Variants in STXBP3 observed in about 807,000 individuals in gnomAD.
The protein encoded by STXBP3 is syntaxin-binding protein 3.
A neutral mutation model predicts 85.7 loss-of-function variants in STXBP3; 41 were observed. The observed-to-expected ratio is 0.48, with a 90% CI of 0.37 to 0.62. The LOEUF is 0.62. Among genes scored for constraint, STXBP3 ranks in the 20% least tolerant of loss-of-function variants. The pLI is 0.00. For synonymous variants in STXBP3, 229 were observed against 231.7 expected, an observed-to-expected ratio of 0.99 and a Z score of 0.10; for missense variants, 563 against 703.1, an observed-to-expected ratio of 0.80 and a Z score of 2.25.
rs201689618 is a variant in STXBP3, at chr1:108,794,938, A to G, written c.1110+31A>G. ...TGCAGAGTCAGAAATGCCTCTGTTCATAACAAATTTCAAGGATAAACTTTG... is the reference window on the plus strand; with the variant it reads ...TGCAGAGTCAGAAATGCCTCTGTTCGTAACAAATTTCAAGGATAAACTTTG... On this transcript the variant is annotated intron_variant, in intron 13 of 18. Transcript: ENST00000370008. The G allele has an allele frequency of 1.8e-4, 282 of 1,557,850 alleles. No homozygotes were observed. The African/African-American group carries it at 2.6e-3, about 14-fold the overall frequency.
At chr1:108,794,610 A>G (rs1010776085) in intron 12 of STXBP3, among the ~76,000 whole-genome samples, 2 of 152,222 alleles carry the variant, frequency 1.3e-5, no homozygotes, top group Non-Finnish European at 2.9e-5. Flanking sequence ...GATTATGGGA[A>G]CTACAAGATG....
At chr1:108,762,525 C>CAAG (rs985400602) in intron 6 of STXBP3, among the ~76,000 whole-genome samples, 47 of 150,820 alleles carry the variant, frequency 3.1e-4, no homozygotes, top group African/African-American at 1.1e-3. Context: ...TATTTTAAAA[C>CAAG]ATTATAAAAA....
chr1:108,758,600 A>C lies in STXBP3; in HGVS notation c.337+12A>C. On this transcript the variant is annotated intron_variant, in intron 5 of 18. Coordinates refer to ENST00000370008, the MANE Select transcript of STXBP3 (RefSeq NM_007269.4). ...TTACTTCACTGACTGTAAGTCTTTT[A>C]AAAAGTTATTGCTTCATTGTTCAAA... 3.5e-6 allele frequency: 5 copies of C among 1,432,170 alleles called. No homozygotes were observed. The highest frequency in any genetic ancestry group is 4.7e-6 in the Non-Finnish European group (5 of 1,065,108). The allele number at this position is 1,432,170 out of a possible 1,614,324, so 88.7% of individuals were successfully genotyped here.
intron 17 of STXBP3, among the ~76,000 whole-genome samples, chr1:108,806,728 T>C (rs1369809773): frequency 6.6e-6 from 1 of 152,050 alleles, no homozygotes; most frequent in Non-Finnish European, 1.5e-5. Flanking sequence ...CCTTCACATC[T>C]TCAAAACCTT....
At chr1:108,752,123 T>C (rs1294315828) in intron 1 of STXBP3, 134 bp from the exon 2 acceptor site, 1 of 741,048 alleles carries the variant, frequency 1.3e-6, no homozygotes, top group African/African-American at 1.8e-5. Flanking sequence ...TTCCGTAAGG[T>C]TTAACAAATA....
chr1:108,774,390 T>C (rs533072862), intron 7 of STXBP3, among the ~76,000 whole-genome samples: 1 of 152,182 alleles, frequency 6.6e-6, no homozygotes, highest in Non-Finnish European at 1.5e-5. Context: ...TCATTTGTCT[T>C]TTAAAAAGTC....
intron 6 of STXBP3, among the ~76,000 whole-genome samples, chr1:108,770,339 C>T (rs952268965): frequency 6.6e-6 from 1 of 152,076 alleles, no homozygotes; most frequent in Admixed American, 6.6e-5. Flanking sequence ...CATGGCTAAA[C>T]CTGGTATCAG....
chr1:108,748,533 ATAAATAGC>A (rs1336167487), intron 1 of STXBP3, among the ~76,000 whole-genome samples: 8 of 151,936 alleles, frequency 5.3e-5, no homozygotes, highest in Non-Finnish European at 4.4e-5. Flanking sequence ...AAATAAATAA[ATAAATAGC>A]TAGCGTAAGC....
Position 108,761,973 on chromosome 1 carries a change from C to CA in STXBP3, c.438+1898dup, listed in dbSNP as rs796970810. ...GGGCAACAGAGCGAGACTCCATCTC[C>CA]AAAAAAAAAAGAGGTTCTACTTAAT... On this transcript the variant is annotated intron_variant, in intron 6 of 18. Coordinates refer to ENST00000370008, the MANE Select transcript of STXBP3 (RefSeq NM_007269.4). 3.8e-3 allele frequency among the ~76,000 whole-genome samples: 560 copies of CA among 146,558 alleles called. 3 individuals carry two copies. Among genetic ancestry groups the CA allele is most frequent in the African/African-American group, 0.013 (516 of 39,940 alleles).
intron 13 of STXBP3, among the ~76,000 whole-genome samples, chr1:108,795,934 T>C (rs1663080263): frequency 6.9e-6 from 1 of 144,134 alleles, no homozygotes; most frequent in Admixed American, 7.4e-5. Context: ...GGCCCAATCA[T>C]GGCTCACTGC....
chr1:108,767,858 A>G (rs1300102114), intron 6 of STXBP3, among the ~76,000 whole-genome samples: 1 of 152,262 alleles, frequency 6.6e-6, no homozygotes, highest in African/African-American at 2.4e-5. Flanking sequence ...AAGTGCTGGG[A>G]CAGGCATGAG....
At chr1:108,763,478 A>G (rs1662186548) in intron 6 of STXBP3, among the ~76,000 whole-genome samples, 1 of 152,196 alleles carries the variant, frequency 6.6e-6, no homozygotes, top group African/African-American at 2.4e-5. Context: ...AAATGATGAT[A>G]TATTTCCAAA....
chr1:108,769,038 A>G (rs1018139915), intron 6 of STXBP3, among the ~76,000 whole-genome samples: 1 of 152,208 alleles, frequency 6.6e-6, no homozygotes, highest in African/African-American at 2.4e-5. Context: ...CTTAACTACC[A>G]ATAGCCTGCT....
At chr1:108,800,855 T>C (rs1361836410) in intron 17 of STXBP3, among the ~76,000 whole-genome samples, 1 of 152,242 alleles carries the variant, frequency 6.6e-6, no homozygotes, top group Non-Finnish European at 1.5e-5. Flanking sequence ...TTAACTGTGT[T>C]GTGTCTAGGT....
chr1:108,767,280 G>A (rs941475229), intron 6 of STXBP3: 7 of 223,980 alleles, frequency 3.1e-5, no homozygotes, highest in Non-Finnish European at 6.2e-5. Context: ...TAAATGTGTG[G>A]TTTTCCAAAG....
chr1:108,749,876 A>G (rs1327717359), intron 1 of STXBP3, among the ~76,000 whole-genome samples: 1 of 152,200 alleles, frequency 6.6e-6, no homozygotes, highest in African/African-American at 2.4e-5. Context: ...AGTCACATAA[A>G]AAGGTAAAAA....
At chr1:108,798,751 C>T (rs1663170308) in intron 16 of STXBP3, among the ~76,000 whole-genome samples, 1 of 151,982 alleles carries the variant, frequency 6.6e-6, no homozygotes, top group African/African-American at 2.4e-5. Context: ...CAAACTCACA[C>T]CACTGACTGT....
intron 3 of STXBP3, among the ~76,000 whole-genome samples, chr1:108,755,038 C>T (rs1387170912): frequency 1.3e-5 from 2 of 151,920 alleles, no homozygotes; most frequent in Admixed American, 1.3e-4. Flanking sequence ...TCATTCAGGT[C>T]ATTCATGAAA....
intron 6 of STXBP3, among the ~76,000 whole-genome samples, chr1:108,769,350 GA>G (rs968984545): frequency 3.7e-4 from 56 of 152,138 alleles, no homozygotes; most frequent in African/African-American, 1.3e-3. Context: ...AACTTTTATT[GA>G]AAAAAATCTG....
Sources: allele counts gnomAD v4.1 joint callset (sites outside exome capture counted in the v4.1 genomes callset), GRCh38; gene constraint gnomAD v4.1.1; transcripts MANE v1.5; gene names NCBI Gene and HGNC (gene_info 2026-07-23, HGNC 2026-07-21).